The following FBXO15 variants were observed in gnomAD, a reference collection of about 807,000 sequenced individuals.
The protein encoded by FBXO15 is F-box only protein 15.
In FBXO15, 30 loss-of-function variants were observed where a neutral mutation model predicts 49.5. The observed-to-expected ratio is 0.61, with a 90% CI of 0.45 to 0.82. The LOEUF is 0.82. Among genes scored for constraint, FBXO15 ranks in the 40% least tolerant of loss-of-function variants. The pLI is 0.00. For missense variants in FBXO15, 591 were observed against 631.5 expected, an observed-to-expected ratio of 0.94 and a Z score of 0.69; for synonymous variants, 250 against 232.7, an observed-to-expected ratio of 1.07 and a Z score of -0.68.
At chr18:74,131,520 T>C (rs1457956846) in intron 3 of FBXO15, among the ~76,000 whole-genome samples, 1 of 152,164 alleles carries the variant, frequency 6.6e-6, no homozygotes, top group Non-Finnish European at 1.5e-5. Context: ...AGCCTCAATG[T>C]TGGAATTCAA....
intron 1 of FBXO15, among the ~76,000 whole-genome samples, chr18:74,145,338 TTTTG>T (rs1328049891): frequency 2.7e-5 from 4 of 149,168 alleles, no homozygotes; most frequent in African/African-American, 1.0e-4. Flanking sequence ...TTTCTTGCTG[TTTTG>T]TTTTTTCACA....
At chr18:74,132,779 C>T (rs1322599356) in intron 3 of FBXO15, among the ~76,000 whole-genome samples, 1 of 152,110 alleles carries the variant, frequency 6.6e-6, no homozygotes, top group Non-Finnish European at 1.5e-5. Context: ...GAAAATGGGG[C>T]CAATTTAATG....
intron 8 of FBXO15, among the ~76,000 whole-genome samples, chr18:74,101,623 T>G (rs186960703): frequency 1.6e-4 from 24 of 151,948 alleles, no homozygotes; most frequent in Non-Finnish European, 2.9e-4. Flanking sequence ...ATCCCAAAAT[T>G]CATATGGAAA....
intron 9 of FBXO15, among the ~76,000 whole-genome samples, chr18:74,077,899 C>T (rs1470874481): frequency 6.6e-5 from 10 of 152,212 alleles, no homozygotes; most frequent in African/African-American, 2.4e-4. Flanking sequence ...AGCCACTGGG[C>T]TAGCAGTCAC....
At chr18:74,133,199 A>G (rs547948684) in intron 3 of FBXO15, among the ~76,000 whole-genome samples, 36 of 152,372 alleles carry the variant, frequency 2.4e-4, no homozygotes, top group African/African-American at 7.9e-4. Flanking sequence ...ACTTAGCACA[A>G]TTAAATATGT....
At chr18:74,097,951 A>C (rs1599147990) in intron 8 of FBXO15, 1 of 152,074 alleles carries the variant, frequency 6.6e-6, no homozygotes, top group Non-Finnish European at 1.5e-5. Flanking sequence ...CTGTGCAGAC[A>C]CCCCCTCCTT....
chr18:74,093,263 T>TGAGGGG (rs35120126), intron 8 of FBXO15, among the ~76,000 whole-genome samples: 3 of 123,634 alleles, frequency 2.4e-5, no homozygotes, highest in African/African-American at 9.6e-5. Context: ...GGCAAAACAA[T>TGAGGGG]GGGGGGGGGG....
chr18:74,140,241 C>A lies in FBXO15; in HGVS notation c.188G>T (p.Trp63Leu). The A allele has an allele frequency of 6.4e-7, 1 of 1,551,560 alleles. No homozygotes were observed. Among genetic ancestry groups the A allele is most frequent in the South Asian group, 1.2e-5 (1 of 84,040 alleles). ...LRCHAGGGQH[W>L]ESSFSCCSGF... ...AGAACAGCAGGAGAAAGAGCTCTCC[C>A]AGTGCTGTCCACCTCCGGCATGGCA... The change falls in exon 2 of 10, where the codon TGG becomes TTG. Residue 63 changes from tryptophan to leucine, a missense_variant. Physicochemically the swap from Trp to Leu is moderately conservative, Grantham distance 61 (BLOSUM62 -2). Transcript: ENST00000419743.
At chr18:74,092,430 T>C (rs1044705485) in intron 8 of FBXO15, among the ~76,000 whole-genome samples, 2 of 152,162 alleles carry the variant, frequency 1.3e-5, no homozygotes, top group Non-Finnish European at 2.9e-5. Context: ...GTGTGGTCGT[T>C]TGGAGGTGAG....
intron 8 of FBXO15, among the ~76,000 whole-genome samples, chr18:74,110,116 C>A (rs1913947731): frequency 6.8e-6 from 1 of 147,124 alleles, no homozygotes; most frequent in Non-Finnish European, 1.5e-5. Flanking sequence ...ACAGTTTGCC[C>A]AAAACAGTAG....
chr18:74,104,339 TAAC>T (rs1215104750), intron 8 of FBXO15, among the ~76,000 whole-genome samples: 1 of 151,662 alleles, frequency 6.6e-6, no homozygotes, highest in Non-Finnish European at 1.5e-5. Flanking sequence ...CCAGATAATA[TAAC>T]AACAAAAAAA....
intron 3 of FBXO15, among the ~76,000 whole-genome samples, chr18:74,133,026 T>G (rs1325190657): frequency 2.6e-5 from 4 of 152,234 alleles, no homozygotes; most frequent in Non-Finnish European, 5.9e-5. Context: ...TCTTCAGAAG[T>G]AACGCTTAGA....
intron 8 of FBXO15, 63 bp downstream of exon 8, chr18:74,123,305 A>C: frequency 1.3e-6 from 2 of 1,547,358 alleles, no homozygotes; most frequent in Non-Finnish European, 1.7e-6. Flanking sequence ...CTCGGACATC[A>C]AAATTGGTTC....
chr18:74,113,918 C>G (rs1429224859), intron 8 of FBXO15, among the ~76,000 whole-genome samples: 2 of 152,226 alleles, frequency 1.3e-5, no homozygotes, highest in Non-Finnish European at 2.9e-5. Context: ...ATCACCTCAT[C>G]AAAGTGCTCA....
At chr18:74,097,107 C>T (rs2145137516) in intron 8 of FBXO15, 1 of 152,326 alleles carries the variant, frequency 6.6e-6, no homozygotes, top group African/African-American at 2.4e-5. Context: ...CACAAGGAAG[C>T]CATTTCTGCC....
intron 8 of FBXO15, among the ~76,000 whole-genome samples, chr18:74,118,664 A>G (rs1328799313): frequency 1.3e-5 from 2 of 152,168 alleles, no homozygotes; most frequent in Non-Finnish European, 2.9e-5. Context: ...CAATTTTTAT[A>G]GAACAGTTGG....
chr18:74,139,126 T>C (rs141042754), intron 2 of FBXO15, among the ~76,000 whole-genome samples: 2 of 152,146 alleles, frequency 1.3e-5, no homozygotes, highest in African/African-American at 4.8e-5. Context: ...TCAGTTCTCA[T>C]CTTAAATGCG....
intron 1 of FBXO15, among the ~76,000 whole-genome samples, chr18:74,143,644 G>A (rs1021526142): frequency 6.6e-6 from 1 of 152,174 alleles, no homozygotes; most frequent in Non-Finnish European, 1.5e-5. Flanking sequence ...AAATTGCATG[G>A]TCTCCATAGA....
intron 8 of FBXO15, among the ~76,000 whole-genome samples, chr18:74,094,674 A>T (rs1451556377): frequency 6.6e-6 from 1 of 152,212 alleles, no homozygotes. Flanking sequence ...TACAGCAGAG[A>T]CAAAGTAGAT....
Sources: allele counts gnomAD v4.1 joint callset (sites outside exome capture counted in the v4.1 genomes callset), GRCh38; gene constraint gnomAD v4.1.1; transcripts MANE v1.5; gene names NCBI Gene and HGNC (gene_info 2026-07-23, HGNC 2026-07-21).